Variants in DOCK5 observed in about 807,000 individuals in gnomAD.
The protein encoded by DOCK5 is dedicator of cytokinesis 5, also known as dedicator of cytokinesis protein 5.
DOCK5 carries 142 observed loss-of-function variants against 251.8 expected under a neutral mutation model. That is an observed-to-expected ratio of 0.56 (90% CI 0.49 to 0.65). The LOEUF (loss-of-function observed/expected upper bound fraction) is 0.65. DOCK5 is among the 30% of genes least tolerant of loss of function. The pLI, the probability that DOCK5 is intolerant of heterozygous loss-of-function variation, is 0.00. For synonymous variants in DOCK5, 842 were observed against 835.5 expected (o/e 1.01, Z -0.13); for missense variants, 2,111 against 2,312.3 (o/e 0.91, Z 1.79).
chr8:25,370,391 T>C (rs1320271222), intron 34 of DOCK5, among the ~76,000 whole-genome samples: 13 of 152,264 alleles, frequency 8.5e-5, no homozygotes, highest in Non-Finnish European at 1.3e-4. Context: ...TATTTTTTGA[T>C]ATCATCATGA....
chr8:25,339,672 G>A (rs1220189309), intron 22 of DOCK5, among the ~76,000 whole-genome samples: 1 of 152,214 alleles, frequency 6.6e-6, no homozygotes, highest in Non-Finnish European at 1.5e-5. Context: ...CACCAAATGT[G>A]GATGCGTGAG....
chr8:25,221,827 T>C (rs1203939366), intron 1 of DOCK5, among the ~76,000 whole-genome samples: 1 of 152,190 alleles, frequency 6.6e-6, no homozygotes, highest in Admixed American at 6.5e-5. Context: ...AGAAGTTTAA[T>C]GACCTGTCCA....
chr8:25,305,361 C>G (rs950907386), intron 11 of DOCK5: 1 of 150,476 alleles, frequency 6.6e-6, no homozygotes, highest in African/African-American at 2.4e-5. Flanking sequence ...AGATTCCAGT[C>G]TCACAACTTA....
chr8:25,352,121 G>A (rs1800480347), intron 27 of DOCK5, among the ~76,000 whole-genome samples: 2 of 151,672 alleles, frequency 1.3e-5, no homozygotes, highest in Admixed American at 1.3e-4. Context: ...GCTAAGGTGG[G>A]AGGATCACTT....
chr8:25,185,211 C>T (rs1801402101), intron 1 of DOCK5, among the ~76,000 whole-genome samples: 2 of 152,128 alleles, frequency 1.3e-5, no homozygotes, highest in East Asian at 1.9e-4. Flanking sequence ...TCCCAATCTC[C>T]GGCACTTCAC....
intron 2 of DOCK5, among the ~76,000 whole-genome samples, chr8:25,267,534 T>C (rs1248574929): frequency 6.6e-6 from 1 of 152,212 alleles, no homozygotes; most frequent in South Asian, 2.1e-4. Context: ...TAGGATCCTA[T>C]TGGCAGATGC....
intron 9 of DOCK5, 93 bp downstream of exon 9, chr8:25,300,750 T>C: frequency 1.5e-6 from 2 of 1,341,814 alleles, no homozygotes; most frequent in South Asian, 2.8e-5. Context: ...AATGAAAAGA[T>C]GAAAGGAAAA....
intron 40 of DOCK5, among the ~76,000 whole-genome samples, chr8:25,388,546 C>CT (rs1351670174): frequency 6.6e-6 from 1 of 152,198 alleles, no homozygotes; most frequent in Non-Finnish European, 1.5e-5. Context: ...TGGCTGGGGA[C>CT]TGTGGTACAT....
chr8:25,245,850 A>G (rs1051046926), intron 2 of DOCK5, among the ~76,000 whole-genome samples: 1 of 152,040 alleles, frequency 6.6e-6, no homozygotes, highest in African/African-American at 2.4e-5. Context: ...GCAAAGTTCT[A>G]TATATGGTAA....
chr8:25,244,787 T>C (rs983608829), intron 2 of DOCK5, among the ~76,000 whole-genome samples: 8 of 152,208 alleles, frequency 5.3e-5, no homozygotes, highest in African/African-American at 1.9e-4. Flanking sequence ...CTGCTATTAC[T>C]GCAGCCTCCC....
intron 1 of DOCK5, among the ~76,000 whole-genome samples, chr8:25,228,624 G>A (rs1802589554): frequency 6.6e-6 from 1 of 152,226 alleles, no homozygotes; most frequent in Admixed American, 6.5e-5. Flanking sequence ...GTTGCCATGG[G>A]AAGGGCAGTA....
At chr8:25,355,263 A>G (rs966857476) in intron 27 of DOCK5, among the ~76,000 whole-genome samples, 1 of 152,174 alleles carries the variant, frequency 6.6e-6, no homozygotes, top group Admixed American at 6.5e-5. Context: ...ATTTAATTTC[A>G]ACACTGTTGT....
Position 25,351,844 on chromosome 8 carries a change from G to T in DOCK5, c.2850+18G>T, listed in dbSNP as rs778440424. On this transcript the variant is annotated intron_variant, in intron 27 of 51. Transcript: ENST00000276440. ...CCCACATCGTGAGTATCTCTTTGTT[G>T]GATCCCACGGCCGCTGCTGTTTCTC... The T allele has an allele frequency of 6.2e-7, 1 of 1,607,354 alleles. No individual in the cohort carries two copies. The highest frequency in any genetic ancestry group is 1.3e-5 in the African/African-American group (1 of 74,776).
chr8:25,326,903 G>C (rs1805578035), intron 18 of DOCK5, among the ~76,000 whole-genome samples: 1 of 152,086 alleles, frequency 6.6e-6, no homozygotes, highest in African/African-American at 2.4e-5. Context: ...TGCTAAATAT[G>C]GTATTTCAAA....
At chr8:25,393,959 G>C (rs1039890860) in intron 44 of DOCK5, among the ~76,000 whole-genome samples, 4 of 152,166 alleles carry the variant, frequency 2.6e-5, no homozygotes, top group African/African-American at 9.7e-5. Context: ...AGGTACAGTG[G>C]CTCATGCCTG....
At chr8:25,389,908 T>G (rs1274202361) in intron 41 of DOCK5, among the ~76,000 whole-genome samples, 1 of 152,136 alleles carries the variant, frequency 6.6e-6, no homozygotes, top group Non-Finnish European at 1.5e-5. Context: ...TTTAAATCCA[T>G]TTCTAAGTAC....
Position 25,336,270 on chromosome 8 carries a change from G to A in DOCK5, c.2224G>A (p.Ala742Thr). ...KLSKVLNFYV[A>T]NADDSSKTEL... ...CTCCAAGGTACTGAACTTCTATGTG[G>A]CTAATGCAGATGACTCCAGCAAGAC... Residue 742 changes from alanine to threonine, a missense_variant, in exon 22 of 52, where the codon GCT (alanine) becomes ACT (threonine). Physicochemically the swap from Ala to Thr is moderately conservative, Grantham distance 58 (BLOSUM62 0). This residue lies in a region of DOCK5 where 1,717 missense variants were observed against 1,892.4 expected (regional missense o/e 0.91). Coordinates refer to ENST00000276440, the MANE Select transcript of DOCK5 (RefSeq NM_024940.8). The A allele has an allele frequency of 6.2e-7, 1 of 1,613,730 alleles. No homozygotes were observed. Among genetic ancestry groups the A allele is most frequent in the South Asian group, 1.1e-5 (1 of 91,046 alleles).
At chr8:25,293,164 G>A (rs921889459) in intron 6 of DOCK5, among the ~76,000 whole-genome samples, 1 of 152,140 alleles carries the variant, frequency 6.6e-6, no homozygotes, top group African/African-American at 2.4e-5. Flanking sequence ...GCTGTTATTG[G>A]TGATTCTTTT....
chr8:25,203,627 C>T (rs1364654009), intron 1 of DOCK5, among the ~76,000 whole-genome samples: 3 of 152,186 alleles, frequency 2.0e-5, no homozygotes, highest in African/African-American at 7.2e-5. Flanking sequence ...CCTCTGGTGA[C>T]ATTTCGATTC....
Sources: allele counts gnomAD v4.1 joint callset (sites outside exome capture counted in the v4.1 genomes callset), GRCh38; gene constraint gnomAD v4.1.1; regional missense constraint gnomAD v4.1.1; transcripts MANE v1.5; gene names NCBI Gene and HGNC (gene_info 2026-07-23, HGNC 2026-07-21).